The following LOC102723971 variants were observed in gnomAD, a reference collection of about 807,000 sequenced individuals.
the LOC102723971 span, chr9:135,616,854 C>A: frequency 2.5e-6 from 1 of 398,606 alleles, no homozygotes; most frequent in Non-Finnish European, 4.4e-6. Flanking sequence ...GGTCCAGGGC[C>A]TGGGGGACGG....
chr9:135,619,093 G>A, the LOC102723971 span: 9 of 398,840 alleles, frequency 2.3e-5, no homozygotes, highest in Non-Finnish European at 3.5e-5. Flanking sequence ...TGCATCTCAG[G>A]GACTCAAGGA....
chr9:135,614,363 G>T, the LOC102723971 span: 1 of 398,488 alleles, frequency 2.5e-6, no homozygotes, highest in East Asian at 3.6e-5. Flanking sequence ...ACGTGTCATG[G>T]GTCCAGTCCC....
At chr9:135,615,240 G>T in the LOC102723971 span, 61 of 394,838 alleles carry the variant, frequency 1.5e-4, no homozygotes, top group African/African-American at 1.1e-3. Flanking sequence ...AGGTGGAGGG[G>T]GTGCCACACA....
At chr9:135,616,271 A>T in the LOC102723971 span, among the ~76,000 whole-genome samples, 1 of 152,292 alleles carries the variant, frequency 6.6e-6, no homozygotes, top group East Asian at 1.9e-4. Flanking sequence ...CCAAAGCCAG[A>T]CTGGGACCCA....
chr9:135,617,045 C>T, the LOC102723971 span: 2 of 398,676 alleles, frequency 5.0e-6, no homozygotes, highest in Non-Finnish European at 8.8e-6. Flanking sequence ...CCAGCACTGG[C>T]AGGTGCAGTG....
the LOC102723971 span, chr9:135,617,879 A>T: frequency 2.6e-6 from 1 of 390,208 alleles, no homozygotes; most frequent in Non-Finnish European, 4.5e-6. Context: ...TTCTCCGCAG[A>T]GGAGGAGGAG....
At chr9:135,616,929 G>A in the LOC102723971 span, 4 of 398,606 alleles carry the variant, frequency 1.0e-5, no homozygotes, top group South Asian at 1.3e-4. Flanking sequence ...CAGCATGCAC[G>A]TATGCTTCGT....
At chr9:135,615,871 T>C in the LOC102723971 span, among the ~76,000 whole-genome samples, 3 of 152,216 alleles carry the variant, frequency 2.0e-5, no homozygotes, top group African/African-American at 7.2e-5. Flanking sequence ...GGCCCCGATG[T>C]AAGCCAGGGA....
chr9:135,614,554 C>T, the LOC102723971 span, among the ~76,000 whole-genome samples: 11 of 152,158 alleles, frequency 7.2e-5, no homozygotes, highest in African/African-American at 2.4e-4. Flanking sequence ...CCAGCACCAG[C>T]GGCCACTGAT....
chr9:135,619,024 C>T, the LOC102723971 span: 704 of 402,472 alleles, frequency 1.7e-3, 12 homozygotes, highest in East Asian at 0.024. Flanking sequence ...GCCTCCCTTC[C>T]ACCTCCTTCA....
the LOC102723971 span, chr9:135,614,424 G>T: frequency 2.5e-6 from 1 of 393,356 alleles, no homozygotes; most frequent in Non-Finnish European, 4.5e-6. Context: ...GGAGGTGCAG[G>T]GGGTGGGGCA....
the LOC102723971 span, among the ~76,000 whole-genome samples, chr9:135,614,925 G>A: frequency 6.6e-6 from 1 of 152,162 alleles, no homozygotes; most frequent in African/African-American, 2.4e-5. Flanking sequence ...AGGGGTGCAG[G>A]GCTGAGGGAA....
chr9:135,614,698 C>T, the LOC102723971 span, among the ~76,000 whole-genome samples: 1 of 152,080 alleles, frequency 6.6e-6, no homozygotes, highest in Non-Finnish European at 1.5e-5. Context: ...AGCAGGGTCC[C>T]AGGGGACCCA....
chr9:135,619,084 G>A, the LOC102723971 span: 55 of 399,144 alleles, frequency 1.4e-4, 2 homozygotes, highest in South Asian at 4.7e-3. Context: ...AAGCCCTTTT[G>A]CATCTCAGGG....
the LOC102723971 span, chr9:135,615,371 C>A: frequency 1.3e-5 from 5 of 398,474 alleles, no homozygotes; most frequent in Admixed American, 1.8e-4. Flanking sequence ...GGTGGAGGGG[C>A]GCTGGCTCAC....
the LOC102723971 span, chr9:135,616,587 G>C: frequency 2.5e-6 from 1 of 398,624 alleles, no homozygotes; most frequent in Non-Finnish European, 4.4e-6. Context: ...CTTTTCCCAG[G>C]GGAGAAGGGG....
chr9:135,616,633 C>A, the LOC102723971 span: 1 of 398,742 alleles, frequency 2.5e-6, no homozygotes, highest in Non-Finnish European at 4.4e-6. Context: ...CCATCCAACC[C>A]AGTTGCAAGG....
At chr9:135,617,947 A>G in the LOC102723971 span, 1 of 398,704 alleles carries the variant, frequency 2.5e-6, no homozygotes, top group East Asian at 3.6e-5. Context: ...CTCTGATTCC[A>G]GCGAGAAGAA....
the LOC102723971 span, chr9:135,618,058 C>G: frequency 6.3e-5 from 25 of 398,620 alleles, no homozygotes; most frequent in East Asian, 8.9e-4. Flanking sequence ...AGCACTGTCC[C>G]CCAGCCACAT....
Sources: gnomAD v4.1 joint callset for allele counts (sites outside exome capture counted in the v4.1 genomes callset) on GRCh38, gnomAD v4.1.1 for gene constraint, MANE v1.5 for transcripts.